The following ITIH5 variants were observed in gnomAD, a reference collection of about 807,000 sequenced individuals.
The protein encoded by ITIH5 is inter-alpha-trypsin inhibitor heavy chain 5, also known as inter-alpha-trypsin inhibitor heavy chain H5.
ITIH5 carries 65 observed loss-of-function variants against 77.5 expected under a neutral mutation model. The observed-to-expected ratio is 0.84, with a 90% confidence interval of 0.69 to 1.03. The LOEUF is 1.03. Among genes scored for constraint, ITIH5 ranks in the 50% least tolerant of loss-of-function variants. ITIH5 has a pLI of 0.00. For synonymous variants in ITIH5, 525 were observed against 494.3 expected, an observed-to-expected ratio of 1.06 and a Z score of -0.82; for missense variants, 1,208 against 1,213.1, an observed-to-expected ratio of 1.00 and a Z score of 0.06.
intron 2 of ITIH5, among the ~76,000 whole-genome samples, chr10:7,644,875 ATATATATAT>A (rs1833979745): frequency 1.2e-5 from 1 of 80,940 alleles, no homozygotes; most frequent in Admixed American, 1.5e-4. Context: ...TATATATCAC[ATATATATAT>A]CACATATATA....
intron 10 of ITIH5, among the ~76,000 whole-genome samples, chr10:7,573,546 C>T (rs914136895): frequency 1.3e-5 from 2 of 151,388 alleles, no homozygotes; most frequent in African/African-American, 4.9e-5. Context: ...CAAGGTGGCA[C>T]ACATCTGTAG....
intron 13 of ITIH5, among the ~76,000 whole-genome samples, chr10:7,564,085 G>A (rs746950712): frequency 5.4e-4 from 83 of 152,364 alleles, no homozygotes; most frequent in Admixed American, 1.0e-3. Context: ...GTGCCCCCCC[G>A]GTGGGGGTGT....
rs1460723127 is a variant in ITIH5, at chr10:7,585,946, T to A, written c.1063A>T (p.Ile355Phe). The A allele has an allele frequency of 3.7e-6, 6 of 1,613,966 alleles. No individual in the cohort carries two copies. Among genetic ancestry groups the A allele is most frequent in the Admixed American group, 1.7e-5 (1 of 59,990 alleles). The change falls in exon 8 of 14, where the codon ATC becomes TTC. Residue 355 changes from isoleucine to phenylalanine, a missense_variant. Coordinates refer to ENST00000397146, the MANE Select transcript of ITIH5 (RefSeq NM_030569.7). The stretch of plus-strand genomic sequence containing the variant: ...TGAATGTACACTTTCCCATCCCTGA[T>A]GCTGTCTGGAGTGACTGATATCAAG... ...DHLISVTPDS[I>F]RDGKVYIHHM...
chr10:7,637,935 A>G (rs906210909), intron 4 of ITIH5, among the ~76,000 whole-genome samples: 1 of 152,230 alleles, frequency 6.6e-6, no homozygotes, highest in African/African-American at 2.4e-5. Context: ...TTTAGCAGGA[A>G]AGGTAGGGAA....
chr10:7,567,482 G>GC (rs1181967888), intron 12 of ITIH5, among the ~76,000 whole-genome samples: 1 of 137,624 alleles, frequency 7.3e-6, no homozygotes. Flanking sequence ...ATGCTATCCC[G>GC]CCCCCCTACC....
chr10:7,616,785 C>T (rs1311436738), intron 6 of ITIH5, among the ~76,000 whole-genome samples: 1 of 151,964 alleles, frequency 6.6e-6, no homozygotes, highest in East Asian at 1.9e-4. Flanking sequence ...CCGAGATCGG[C>T]CACTGCACTC....
chr10:7,633,786 A>C (rs1206917264), intron 5 of ITIH5, among the ~76,000 whole-genome samples: 2 of 152,158 alleles, frequency 1.3e-5, no homozygotes, highest in African/African-American at 4.8e-5. Flanking sequence ...TGCATCTTTA[A>C]AGATGAAAAT....
At chr10:7,619,290 G>C (rs1230661152) in intron 5 of ITIH5, 1 of 152,436 alleles carries the variant, frequency 6.6e-6, no homozygotes, top group East Asian at 1.9e-4. Flanking sequence ...AAGAACGCAC[G>C]ATCATGGTCA....
chr10:7,626,917 G>A (rs1833588545), intron 5 of ITIH5, among the ~76,000 whole-genome samples: 1 of 152,140 alleles, frequency 6.6e-6, no homozygotes, highest in Non-Finnish European at 1.5e-5. Context: ...CCCAAGATCT[G>A]GCAAAATTTA....
chr10:7,615,644 CA>C (rs1267527486), intron 7 of ITIH5, among the ~76,000 whole-genome samples: 9 of 152,148 alleles, frequency 5.9e-5, no homozygotes, highest in Non-Finnish European at 1.3e-4. Context: ...CCACTGTTCT[CA>C]AAGGAATCAT....
chr10:7,615,514 A>C (rs759922188), intron 7 of ITIH5, among the ~76,000 whole-genome samples: 4 of 152,202 alleles, frequency 2.6e-5, no homozygotes, highest in Non-Finnish European at 5.9e-5. Flanking sequence ...AAACTACGTG[A>C]CCCCTGAATG....
At chr10:7,601,939 A>C (rs1380188926) in intron 7 of ITIH5, among the ~76,000 whole-genome samples, 2 of 151,654 alleles carry the variant, frequency 1.3e-5, no homozygotes, top group Non-Finnish European at 2.9e-5. Context: ...TGCAACCTCT[A>C]CCTCCCACGT....
intron 7 of ITIH5, chr10:7,600,477 C>T (rs1267927682): frequency 4.4e-6 from 2 of 454,268 alleles, no homozygotes; most frequent in Admixed American, 2.4e-5. Flanking sequence ...CAGCCCTGCC[C>T]AGCCCACCAG....
chr10:7,636,197 G>A (rs894605054), intron 5 of ITIH5, among the ~76,000 whole-genome samples: 2 of 151,966 alleles, frequency 1.3e-5, no homozygotes, highest in African/African-American at 4.8e-5. Context: ...AAAAAATACG[G>A]TGATTAAAAC....
chr10:7,648,243 C>CA (rs5782993), intron 2 of ITIH5, among the ~76,000 whole-genome samples: 28 of 135,732 alleles, frequency 2.1e-4, no homozygotes, highest in East Asian at 4.5e-4. Flanking sequence ...GACTCTGTCT[C>CA]AAAAAAAAAA....
intron 5 of ITIH5, chr10:7,622,447 G>T (rs976169747): frequency 2.6e-5 from 4 of 152,044 alleles, no homozygotes; most frequent in Admixed American, 2.6e-4. Context: ...GCAGACAGTA[G>T]GTGCTCAATA....
intron 7 of ITIH5, among the ~76,000 whole-genome samples, chr10:7,598,034 C>T (rs1832942149): frequency 6.6e-6 from 1 of 151,884 alleles, no homozygotes; most frequent in South Asian, 2.1e-4. Flanking sequence ...GATTGGCTCC[C>T]AAGAAGAAAT....
chr10:7,666,605 C>T (rs568050044), intron 1 of ITIH5, among the ~76,000 whole-genome samples, 198 bp downstream of exon 1: 63 of 152,304 alleles, frequency 4.1e-4, no homozygotes, highest in African/African-American at 1.5e-3. Flanking sequence ...CACAGTTCTG[C>T]AGGAAGCCTC....
chr10:7,579,685 T>C, intron 9 of ITIH5, 70 bp downstream of exon 9: 2 of 1,495,912 alleles, frequency 1.3e-6, no homozygotes, highest in Non-Finnish European at 1.8e-6. Flanking sequence ...CACTCCTCTC[T>C]GAATTCCCAC....
Sources: allele counts gnomAD v4.1 joint callset (sites outside exome capture counted in the v4.1 genomes callset), GRCh38; gene constraint gnomAD v4.1.1; transcripts MANE v1.5; gene names NCBI Gene and HGNC (gene_info 2026-07-23, HGNC 2026-07-21).